The following GAB2 variants were observed in gnomAD, a reference collection of about 807,000 sequenced individuals.
The protein encoded by GAB2 is GRB2-associated-binding protein 2.
A neutral mutation model predicts 65.5 loss-of-function variants in GAB2; 26 were observed. That is an observed-to-expected ratio of 0.40 (90% CI 0.29 to 0.55). GAB2 has a LOEUF of 0.55. Ranked by LOEUF, GAB2 falls within the 20% of genes least tolerant of loss-of-function variation. The probability of loss-of-function intolerance (pLI) is 0.53; values close to 1 mark genes in which losing one functional copy is unlikely to be tolerated. For missense variants in GAB2, 884 were observed against 875.8 expected (o/e 1.01, Z -0.12); for synonymous variants, 321 against 329.6 (o/e 0.97, Z 0.28).
At chr11:78,248,446 G>A (rs1865356150) in intron 3 of GAB2, among the ~76,000 whole-genome samples, 1 of 152,316 alleles carries the variant, frequency 6.6e-6, no homozygotes, top group Admixed American at 6.5e-5. Flanking sequence ...CAGGCTTACT[G>A]AGTCAGAGTG....
chr11:78,403,599 A>C (rs1180864013), intron 1 of GAB2, among the ~76,000 whole-genome samples: 2 of 152,250 alleles, frequency 1.3e-5, no homozygotes, highest in Non-Finnish European at 2.9e-5. Flanking sequence ...AAATGGATTA[A>C]GGACTTAAAT....
intron 1 of GAB2, among the ~76,000 whole-genome samples, chr11:78,319,773 C>A (rs571769637): frequency 4.3e-4 from 66 of 152,274 alleles, no homozygotes; most frequent in Non-Finnish European, 7.3e-5. Context: ...TACTGTAAAC[C>A]AGGCACTGTG....
At chr11:78,325,688 C>T (rs895167991) in intron 1 of GAB2, among the ~76,000 whole-genome samples, 18 of 152,262 alleles carry the variant, frequency 1.2e-4, no homozygotes, top group Admixed American at 7.2e-4. Context: ...CTACTACCCA[C>T]GTAAAGTGTG....
chr11:78,265,201 C>CATATAT (rs1239114080), intron 2 of GAB2, among the ~76,000 whole-genome samples: 2 of 25,054 alleles, frequency 8.0e-5, no homozygotes, highest in Non-Finnish European at 2.2e-4. Flanking sequence ...CCTTCTATAC[C>CATATAT]ACATATATAT....
chr11:78,222,419 T>G (rs1475275686), intron 6 of GAB2, among the ~76,000 whole-genome samples: 2 of 151,966 alleles, frequency 1.3e-5, no homozygotes, highest in Admixed American at 6.6e-5. Context: ...GCTGTATCTA[T>G]GGTAATTATA....
intron 2 of GAB2, among the ~76,000 whole-genome samples, chr11:78,267,781 C>G (rs899565729): frequency 6.9e-6 from 1 of 144,568 alleles, no homozygotes; most frequent in African/African-American, 2.6e-5. Flanking sequence ...TGGCATGAAC[C>G]TGGGAGGCAG....
At chr11:78,305,526 A>C (rs1380860670) in intron 1 of GAB2, among the ~76,000 whole-genome samples, 1 of 152,134 alleles carries the variant, frequency 6.6e-6, no homozygotes, top group Non-Finnish European at 1.5e-5. Context: ...GTAACTTTAT[A>C]ATCTGGTGTG....
chr11:78,402,994 G>C (rs1376714651), intron 1 of GAB2, among the ~76,000 whole-genome samples: 1 of 152,156 alleles, frequency 6.6e-6, no homozygotes, highest in African/African-American at 2.4e-5. Flanking sequence ...GAAACCCTGA[G>C]GAGCTTCTTT....
chr11:78,397,434 A>C (rs945546933), intron 1 of GAB2, among the ~76,000 whole-genome samples: 1 of 152,228 alleles, frequency 6.6e-6, no homozygotes, highest in African/African-American at 2.4e-5. Flanking sequence ...ACAGTTACTG[A>C]GTGGTACTAA....
chr11:78,415,716 CAGT>C (rs1392401394), intron 1 of GAB2, among the ~76,000 whole-genome samples: 1 of 152,158 alleles, frequency 6.6e-6, no homozygotes, highest in Non-Finnish European at 1.5e-5. Flanking sequence ...TCGTTCAAAT[CAGT>C]GAAAAAGGTG....
At chr11:78,246,015 C>A (rs369920023) in intron 3 of GAB2, among the ~76,000 whole-genome samples, 3 of 151,226 alleles carry the variant, frequency 2.0e-5, no homozygotes, top group African/African-American at 7.3e-5. Context: ...GCGCAACCTC[C>A]GCCTCCAGGG....
chr11:78,368,134 A>G (rs1023087766), intron 1 of GAB2, among the ~76,000 whole-genome samples: 3 of 152,052 alleles, frequency 2.0e-5, no homozygotes, highest in African/African-American at 7.2e-5. Context: ...TTAATTTTCT[A>G]TTCTTTGTTC....
intron 1 of GAB2, among the ~76,000 whole-genome samples, chr11:78,322,226 A>G (rs1255985880): frequency 7.0e-6 from 1 of 143,194 alleles, no homozygotes; most frequent in Non-Finnish European, 1.5e-5. Flanking sequence ...AATCACTTGA[A>G]CCCAGGAGGC....
chr11:78,222,757 A>AT (rs1261778871), intron 6 of GAB2, among the ~76,000 whole-genome samples: 4 of 151,864 alleles, frequency 2.6e-5, no homozygotes, highest in Non-Finnish European at 5.9e-5. Flanking sequence ...TAATTTTTAT[A>AT]TTTTTAGTAG....
chr11:78,281,698 C>T (rs1866340647), intron 1 of GAB2, among the ~76,000 whole-genome samples: 1 of 152,212 alleles, frequency 6.6e-6, no homozygotes, highest in Admixed American at 6.5e-5. Context: ...CAGCATCTCA[C>T]TATGTAAACA....
chr11:78,221,823 T>C (rs767655048), intron 7 of GAB2, 44 bp from the exon 8 acceptor site: 21 of 1,372,740 alleles, frequency 1.5e-5, no homozygotes, highest in East Asian at 2.3e-5. Context: ...GCTGCATGGC[T>C]GCTGCCATGT....
intron 1 of GAB2, among the ~76,000 whole-genome samples, chr11:78,313,266 G>A (rs1379744152): frequency 3.3e-5 from 5 of 151,776 alleles, no homozygotes; most frequent in East Asian, 1.9e-4. Context: ...GATAAACAGC[G>A]TTACCTACCA....
At chr11:78,239,603 A>G (rs1449584369) in intron 3 of GAB2, among the ~76,000 whole-genome samples, 1 of 152,208 alleles carries the variant, frequency 6.6e-6, no homozygotes, top group African/African-American at 2.4e-5. Context: ...GATGAACCAG[A>G]AACTTGGGAT....
intron 2 of GAB2, among the ~76,000 whole-genome samples, chr11:78,263,899 A>AT (rs35453397): frequency 0.011 from 1,598 of 142,570 alleles, 16 homozygotes; most frequent in African/African-American, 0.03. Context: ...TCTCCTGTCA[A>AT]TTTTTTTTTT....
Sources: gnomAD v4.1 joint callset for allele counts (sites outside exome capture counted in the v4.1 genomes callset) on GRCh38, gnomAD v4.1.1 for gene constraint, MANE v1.5 for transcripts, NCBI Gene and HGNC (gene_info 2026-07-23, HGNC 2026-07-21) for gene names.